Variants in HEMGN observed in about 807,000 individuals in gnomAD.
HEMGN encodes hemogen.
HEMGN carries 32 observed loss-of-function variants against 45.7 expected under a neutral mutation model. That is an observed-to-expected ratio of 0.70 (90% confidence interval 0.53 to 0.94). HEMGN has a LOEUF of 0.94. HEMGN is among the 40% of genes least tolerant of loss of function. The pLI is 0.00. For missense variants in HEMGN, 530 were observed against 564.2 expected (o/e 0.94, Z 0.61); for synonymous variants, 183 against 178.6 (o/e 1.02, Z -0.20).
Position 97,927,426 on chromosome 9 carries a change from C to T in HEMGN, c.1413G>A (p.Glu471=), listed in dbSNP as rs751804933. The T allele has an allele frequency of 6.2e-7, 1 of 1,609,842 alleles. No individual in the cohort carries two copies. The highest frequency in any genetic ancestry group is 8.5e-7 in the Non-Finnish European group (1 of 1,177,168). ...EEPGIPAILN[E]SHPENDVYSY... ...TATAGACATCATTTTCTGGATGACT[C>T]TCATTCAGAATTGCTGGTATTCCTG... The change falls in exon 4 of 4, where the codon GAG becomes GAA. Residue 471 remains glutamate (E), a synonymous_variant. Coordinates refer to ENST00000616898, the MANE Select transcript of HEMGN (RefSeq NM_197978.3).
At chr9:97,939,576 C>T (rs142703161), upstream of HEMGN, among the ~76,000 whole-genome samples, 126 of 152,262 alleles carry the variant, frequency 8.3e-4, 2 homozygotes, top group Middle Eastern at 6.8e-3. Context: ...GTTACCTATA[C>T]TTAGTATTTT....
At position 97,927,435 on chromosome 9, in the gene HEMGN, A is replaced by T. The variant is rs753169450; in HGVS notation, c.1404T>A (p.Ile468=). The T allele has an allele frequency of 6.2e-7, 1 of 1,610,700 alleles. No individual in the cohort carries two copies. The highest frequency in any genetic ancestry group is 1.1e-5 in the South Asian group (1 of 90,488). The stretch of plus-strand genomic sequence containing the variant: ...CATTTTCTGGATGACTCTCATTCAG[A>T]ATTGCTGGTATTCCTGGCTCTTCTT... ...KPKEEPGIPA[I]LNESHPENDV... The change falls in exon 4 of 4, where the codon ATT becomes ATA. Residue 468 remains isoleucine, a synonymous_variant. Transcript: ENST00000616898.
In HEMGN at chr9:97,930,656, A is replaced by G. The variant is rs1826929467; in HGVS notation, c.739T>C (p.Ser247Pro). ...AVPKILPCPT[S>P]EDTADLAGCS... Reference sequence around the variant, plus strand: ...CCTGCCAGATCAGCTGTGTCTTCAGATGTTGGACAAGGAAGGATTTTGGGT... The same window carrying G: ...CCTGCCAGATCAGCTGTGTCTTCAGGTGTTGGACAAGGAAGGATTTTGGGT... The change falls in exon 3 of 4, where the codon TCT (serine) becomes CCT (proline). Residue 247 changes from serine (S) to proline (P), a missense_variant. Ser to Pro is a moderately conservative substitution (Grantham distance 74, BLOSUM62 -1). Transcript: ENST00000616898. The G allele has an allele frequency of 2.5e-6, 4 of 1,614,112 alleles. No homozygotes were observed. The highest frequency in any genetic ancestry group is 4.5e-5 in the East Asian group (2 of 44,880).
In HEMGN at chr9:97,930,129, G is replaced by A; in HGVS notation, c.1266C>T (p.Cys422=). Residue 422 remains cysteine (C), a synonymous_variant, in exon 3 of 4, where the codon TGC becomes TGT. Transcript: ENST00000616898. The part of the protein sequence containing the change: ...TYKNKDVPKE[C]FPEPHQETGG... ...CTGTTTCTTGGTGTGGTTCTGGAAA[G>A]CATTCTTTAGGCACATCCTTATTTT... The A allele has an allele frequency of 1.9e-6, 3 of 1,614,180 alleles. No individual in the cohort carries two copies. The highest frequency in any genetic ancestry group is 2.5e-6 in the Non-Finnish European group (3 of 1,180,022).
Position 97,928,916 on chromosome 9 carries a change from A to G in HEMGN, c.1360+1119T>C, listed in dbSNP as rs547794101. Among the ~76,000 whole-genome samples, 45 of 152,370 alleles carry G rather than the reference A, an allele frequency of 3.0e-4. No homozygotes were observed. The South Asian group carries it at 8.9e-3, about 30-fold the overall frequency. On this transcript the variant is annotated intron_variant, in intron 3 of 3. Coordinates refer to ENST00000616898, the MANE Select transcript of HEMGN (RefSeq NM_197978.3). The stretch of plus-strand genomic sequence containing the variant: ...GATGGGTACTGTCTCATTTGTTGAA[A>G]CAAAACAACCTTAACATTGGGAACT...
intron 1 of HEMGN, among the ~76,000 whole-genome samples, chr9:97,943,691 C>T (rs550810627): frequency 6.6e-6 from 1 of 152,174 alleles, no homozygotes; most frequent in Non-Finnish European, 1.5e-5. Flanking sequence ...GAGCCTCCCC[C>T]TTATCCCTGT....
upstream of HEMGN, among the ~76,000 whole-genome samples, chr9:97,942,703 G>C (rs940044750): frequency 2.0e-5 from 3 of 152,166 alleles, no homozygotes; most frequent in African/African-American, 4.8e-5. Context: ...TCAGAGGCCT[G>C]ACTGAACTGG....
At chr9:97,942,979 G>A (rs1169170536), upstream of HEMGN, among the ~76,000 whole-genome samples, 1 of 152,196 alleles carries the variant, frequency 6.6e-6, no homozygotes, top group Non-Finnish European at 1.5e-5. Flanking sequence ...ATACTGTGAA[G>A]ACCATATTAT....
At chr9:97,938,283 A>G (rs1474774126), upstream of HEMGN, 8 of 628,286 alleles carry the variant, frequency 1.3e-5, no homozygotes, top group East Asian at 8.2e-5. Flanking sequence ...TAAAAGTTTT[A>G]TCTGGTTGGA....
intron 2 of HEMGN, among the ~76,000 whole-genome samples, chr9:97,934,479 TG>T (rs1229456899): frequency 2.1e-5 from 3 of 144,338 alleles, no homozygotes; most frequent in Admixed American, 2.0e-4. Context: ...GGAGAATACC[TG>T]GGTTCTGGGC....
At position 97,927,288 on chromosome 9, in the gene HEMGN, G is replaced by T; in HGVS notation, c.*96C>A. On this transcript the variant is annotated 3_prime_UTR_variant, in exon 4 of 4. Transcript: ENST00000616898. Reference sequence around the variant, plus strand: ...TACAAATAGAAAAAATAATATTAATGAGCATTGTCAAAAGTTTTACAATAT... The same window carrying T: ...TACAAATAGAAAAAATAATATTAATTAGCATTGTCAAAAGTTTTACAATAT... 2 of 687,602 alleles carry T rather than the reference G, an allele frequency of 2.9e-6. No individual in the cohort carries two copies. Among genetic ancestry groups the T allele is most frequent in the South Asian group, 4.0e-5 (2 of 50,022 alleles). 42.6% of individuals were successfully genotyped at this position (687,602 alleles called of 1,614,324 possible). A position where few individuals can be genotyped will look rare whatever the true frequency, so the allele number is the denominator to read the frequency against.
Position 97,926,902 on chromosome 9 carries a change from A to C in HEMGN, c.*482T>G, listed in dbSNP as rs1426384923. The stretch of plus-strand genomic sequence containing the variant: ...AAGTAAACTACATTCATCACTCCAA[A>C]ATATCTTTTAAGGAGAATTGTTAAA... On this transcript the variant is annotated 3_prime_UTR_variant, in exon 4 of 4. Coordinates refer to ENST00000616898, the MANE Select transcript of HEMGN (RefSeq NM_197978.3). 6.6e-6 allele frequency: 1 copy of C among 152,572 alleles called. No individual in the cohort carries two copies. Among genetic ancestry groups the C allele is most frequent in the Non-Finnish European group, 1.5e-5 (1 of 68,068 alleles). 9.5% of individuals were successfully genotyped at this position (152,572 alleles called of 1,614,324 possible). A position where few individuals can be genotyped will look rare whatever the true frequency, so the allele number is the denominator to read the frequency against.
intron 3 of HEMGN, among the ~76,000 whole-genome samples, chr9:97,929,294 GTT>G (rs981814748): frequency 1.3e-5 from 2 of 152,192 alleles, no homozygotes; most frequent in African/African-American, 4.8e-5. Context: ...CTAGCACCAT[GTT>G]TTTGTTGCAC....
rs779323105 is a variant in HEMGN at position 97,930,730 on chromosome 9, A to G, written c.665T>C (p.Met222Thr). 1 of 1,614,204 alleles carries G rather than the reference A, an allele frequency of 6.2e-7. No individual in the cohort carries two copies. Among genetic ancestry groups the G allele is most frequent in the Non-Finnish European group, 8.5e-7 (1 of 1,180,030 alleles). The change falls in exon 3 of 4, where the codon ATG (methionine) becomes ACG (threonine). Residue 222 changes from methionine to threonine, a missense_variant. Transcript: ENST00000616898. ...QDHPFKMYQD[M>T]AKREDLAPKM... ...AGGAGCCAGATCTTCTCGTTTAGCCATATCTTGGTACATTTTGAAAGGATG... is the reference window on the plus strand; with the variant it reads ...AGGAGCCAGATCTTCTCGTTTAGCCGTATCTTGGTACATTTTGAAAGGATG...
intron 1 of HEMGN, 97 bp from the exon 2 acceptor site, chr9:97,936,361 T>A: frequency 1.3e-6 from 1 of 788,566 alleles, no homozygotes; most frequent in Non-Finnish European, 2.2e-6. Flanking sequence ...TTCTAGGTTT[T>A]TCTCCTAGCT....
chr9:97,941,224 T>C (rs765005365), upstream of HEMGN, among the ~76,000 whole-genome samples: 6 of 152,018 alleles, frequency 3.9e-5, no homozygotes, highest in Non-Finnish European at 8.8e-5. Context: ...TGAACAGAAC[T>C]GATGGAGGTG....
At chr9:97,937,545 TATA>T (rs1359906562) in intron 1 of HEMGN, among the ~76,000 whole-genome samples, 3 of 152,006 alleles carry the variant, frequency 2.0e-5, no homozygotes, top group Non-Finnish European at 4.4e-5. Flanking sequence ...TATATTACTA[TATA>T]ATAATTTTTT....
intron 3 of HEMGN, among the ~76,000 whole-genome samples, chr9:97,928,025 A>ATTTTT (rs568022099): frequency 2.4e-5 from 3 of 127,474 alleles, no homozygotes; most frequent in Non-Finnish European, 3.3e-5. Flanking sequence ...GATCAAGTGT[A>ATTTTT]TTTTTTTTTT....
At chr9:97,934,207 G>A (rs2131554970) in intron 2 of HEMGN, among the ~76,000 whole-genome samples, 1 of 152,042 alleles carries the variant, frequency 6.6e-6, no homozygotes, top group Admixed American at 6.5e-5. Context: ...AACTAGCTGG[G>A]CGTGGTGGCC....
Sources: gnomAD v4.1 joint callset for allele counts (sites outside exome capture counted in the v4.1 genomes callset) on GRCh38, gnomAD v4.1.1 for gene constraint, MANE v1.5 for transcripts, NCBI Gene and HGNC (gene_info 2026-07-23, HGNC 2026-07-21) for gene names.